The following CD99L2 variants were observed in gnomAD, a reference collection of about 807,000 sequenced individuals.
The protein encoded by CD99L2 is CD99 molecule like 2.
CD99L2 carries 24 observed loss-of-function variants against 27.3 expected under a neutral mutation model. The observed-to-expected ratio is 0.88, with a 90% confidence interval of 0.64 to 1.24. The LOEUF is 1.24. CD99L2 is among the 50% of genes most tolerant of loss of function. The probability of loss-of-function intolerance (pLI) is 0.00; values close to 1 mark genes in which losing one functional copy is unlikely to be tolerated. For missense variants in CD99L2, 255 were observed against 221.6 expected (o/e 1.15, Z -0.96); for synonymous variants, 97 against 87.9 (o/e 1.10, Z -0.58).
At chrX:150,885,943 C>G (rs1286282347) in intron 1 of CD99L2, among the ~76,000 whole-genome samples, 3 of 112,104 alleles carry the variant, frequency 2.7e-5, no homozygotes, top group Admixed American at 9.5e-5. Context: ...AGAGATGAGA[C>G]GAGCCATCTG....
intron 2 of CD99L2, among the ~76,000 whole-genome samples, chrX:150,822,534 A>G (rs1317884548): frequency 8.9e-6 from 1 of 112,152 alleles, no homozygotes; most frequent in Non-Finnish European, 1.9e-5. Flanking sequence ...AGTAGCAGAT[A>G]TGTAAGATGA....
rs958299013 is a variant in CD99L2 at position 150,811,597 on chromosome X, A to C, written c.277+3265T>G. Among the ~76,000 whole-genome samples, 5 of 111,936 alleles carry C rather than the reference A, an allele frequency of 4.5e-5. No individual in the cohort carries two copies. In the East Asian group the frequency reaches 8.4e-4, roughly 19 times the overall value. ...GATATGAAAACCAGACAAAGACATC[A>C]CAAGAAAAACTACAAACCTATTTCT... On this transcript the variant is annotated intron_variant, in intron 4 of 10. Transcript: ENST00000370377.
intron 1 of CD99L2, among the ~76,000 whole-genome samples, chrX:150,841,241 G>A (rs1557421351): frequency 9.1e-6 from 1 of 109,443 alleles, no homozygotes; most frequent in Non-Finnish European, 1.9e-5. Flanking sequence ...ATAGTGGCAT[G>A]CAAGAGATCT....
At chrX:150,770,993 A>G (rs971527335) in intron 9 of CD99L2, among the ~76,000 whole-genome samples, 4 of 112,384 alleles carry the variant, frequency 3.6e-5, no homozygotes, top group Non-Finnish European at 7.5e-5. Flanking sequence ...CACCTGTTAC[A>G]AGAGGGATTC....
At chrX:150,840,082 G>A (rs1018181713) in intron 1 of CD99L2, among the ~76,000 whole-genome samples, 8 of 109,399 alleles carry the variant, frequency 7.3e-5, no homozygotes, top group African/African-American at 2.0e-4. Flanking sequence ...ATGCTTGTAC[G>A]CCCAGCTACT....
intron 7 of CD99L2, among the ~76,000 whole-genome samples, chrX:150,779,765 A>G (rs1460279929): frequency 8.9e-6 from 1 of 112,584 alleles, no homozygotes; most frequent in Non-Finnish European, 1.9e-5. Flanking sequence ...CTATAGAAAA[A>G]TTTAGGGGTA....
At chrX:150,833,379 T>C (rs1187698294) in intron 1 of CD99L2, among the ~76,000 whole-genome samples, 4 of 111,838 alleles carry the variant, frequency 3.6e-5, no homozygotes, top group African/African-American at 1.3e-4. Flanking sequence ...ATGTCTATAC[T>C]GACCAAAGTG....
intron 1 of CD99L2, among the ~76,000 whole-genome samples, chrX:150,884,408 ATGTC>A (rs781810512): frequency 8.9e-6 from 1 of 111,873 alleles, no homozygotes; most frequent in African/African-American, 3.2e-5. Context: ...GCTGGGCACA[ATGTC>A]TGACACCTGT....
rs140907989 is a variant in CD99L2 at position 150,872,093 on chromosome X, T to C, written c.67+26429A>G. Among the ~76,000 whole-genome samples, 559 of 110,558 alleles carry C rather than the reference T, an allele frequency of 5.1e-3. 7 individuals are homozygous for C. Among genetic ancestry groups the C allele is most frequent in the Middle Eastern group, 0.014 (3 of 217 alleles). ...AAAAAAGTTAAAAATCAGCCAGTCA[T>C]GGTGGTACATGCCTATGGTCCCAGC... On this transcript the variant is annotated intron_variant, in intron 1 of 10. Coordinates refer to ENST00000370377, the MANE Select transcript of CD99L2 (RefSeq NM_031462.4).
chrX:150,772,228 C>T (rs1179114059), intron 9 of CD99L2, among the ~76,000 whole-genome samples: 7 of 112,839 alleles, frequency 6.2e-5, no homozygotes, highest in Admixed American at 5.6e-4. Flanking sequence ...AGCCCCGCCA[C>T]GGAATGGACG....
intron 1 of CD99L2, among the ~76,000 whole-genome samples, chrX:150,831,629 G>A (rs1282908314): frequency 9.0e-6 from 1 of 111,228 alleles, no homozygotes; most frequent in Non-Finnish European, 1.9e-5. Context: ...AGAGGGTCAG[G>A]AAAAATAACC....
chrX:150,770,181 CT>C, intron 10 of CD99L2, 122 bp downstream of exon 10: 1 of 661,889 alleles, frequency 1.5e-6, no homozygotes, highest in Non-Finnish European at 2.3e-6. Context: ...CAGGCTTTTG[CT>C]CTGGCCGGAC....
intron 7 of CD99L2, among the ~76,000 whole-genome samples, chrX:150,791,153 A>G (rs1191964997): frequency 5.4e-5 from 6 of 112,089 alleles, no homozygotes; most frequent in Non-Finnish European, 5.6e-5. Flanking sequence ...TAGAACTGTG[A>G]GAAACAAATG....
intron 7 of CD99L2, among the ~76,000 whole-genome samples, chrX:150,779,756 T>C (rs1056839074): frequency 7.1e-5 from 8 of 112,513 alleles, no homozygotes; most frequent in Non-Finnish European, 1.3e-4. Context: ...GTAAAAGCAC[T>C]ATAGAAAAAT....
At chrX:150,831,189 A>G (rs782120090) in intron 2 of CD99L2, 42 bp downstream of exon 2, 4 of 990,669 alleles carry the variant, frequency 4.0e-6, no homozygotes, top group Admixed American at 4.9e-5. Context: ...CACATTAATC[A>G]CTACTGTTTG....
chrX:150,879,370 G>T (rs979768646), intron 1 of CD99L2, among the ~76,000 whole-genome samples: 1 of 111,747 alleles, frequency 8.9e-6, no homozygotes, highest in Non-Finnish European at 1.9e-5. Flanking sequence ...AAGGGAGAAG[G>T]TGGCAATTGA....
chrX:150,770,481 C>A, intron 9 of CD99L2, 112 bp from the exon 10 acceptor site: 1 of 643,771 alleles, frequency 1.6e-6, no homozygotes, highest in Non-Finnish European at 2.5e-6. Context: ...GCACAGCTCC[C>A]CTGGGGAACT....
intron 1 of CD99L2, among the ~76,000 whole-genome samples, chrX:150,856,909 C>T (rs1219152192): frequency 9.1e-6 from 1 of 109,418 alleles, no homozygotes; most frequent in Non-Finnish European, 1.9e-5. Context: ...ACCACAGAGA[C>T]AGATATAAAA....
chrX:150,876,568 T>C (rs2047232548), intron 1 of CD99L2, among the ~76,000 whole-genome samples: 1 of 112,562 alleles, frequency 8.9e-6, no homozygotes, highest in African/African-American at 3.2e-5. Context: ...GACAAATATC[T>C]ACCAACACCT....
Sources: allele counts gnomAD v4.1 joint callset (sites outside exome capture counted in the v4.1 genomes callset), GRCh38; gene constraint gnomAD v4.1.1; transcripts MANE v1.5; gene names NCBI Gene and HGNC (gene_info 2026-07-23, HGNC 2026-07-21).